The following PSMD1 variants were observed in gnomAD, a reference collection of about 807,000 sequenced individuals.
The protein encoded by PSMD1 is 26S proteasome non-ATPase regulatory subunit 1.
A neutral mutation model predicts 119.0 loss-of-function variants in PSMD1; 18 were observed. That is an observed-to-expected ratio of 0.15 (90% CI 0.10 to 0.22). The LOEUF is 0.22. PSMD1 is among the 10% of genes least tolerant of loss of function. PSMD1 has a pLI of 1.00. For missense variants in PSMD1, 702 were observed against 1,158.5 expected (o/e 0.61, Z 5.72); for synonymous variants, 374 against 396.6 (o/e 0.94, Z 0.68).
intron 18 of PSMD1, among the ~76,000 whole-genome samples, chr2:231,149,464 A>G (rs1320358170): frequency 6.6e-6 from 1 of 152,160 alleles, no homozygotes; most frequent in Non-Finnish European, 1.5e-5. Flanking sequence ...CCAAGACCCT[A>G]TCTCTAAAAA....
intron 9 of PSMD1, 75 bp downstream of exon 9, chr2:231,077,237 T>G: frequency 9.5e-7 from 1 of 1,056,090 alleles, no homozygotes; most frequent in Non-Finnish European, 1.3e-6. Context: ...TTATATTTAT[T>G]TCTTGTTGGA....
chr2:231,108,648 G>A (rs575018939), intron 16 of PSMD1: 2 of 1,613,984 alleles, frequency 1.2e-6, no homozygotes, highest in African/African-American at 2.7e-5. Context: ...TACATGGCAG[G>A]GTTAATCCCA....
At chr2:231,058,343 C>T (rs905825444) in intron 1 of PSMD1, among the ~76,000 whole-genome samples, 3 of 152,172 alleles carry the variant, frequency 2.0e-5, no homozygotes, top group African/African-American at 7.2e-5. Context: ...CCATTACCTC[C>T]GTACAGCCCG....
intron 6 of PSMD1, among the ~76,000 whole-genome samples, chr2:231,071,011 C>A (rs1252959887): frequency 6.6e-6 from 1 of 152,038 alleles, no homozygotes; most frequent in African/African-American, 2.4e-5. Context: ...GAAAAAATAT[C>A]CATGTTTAAA....
At chr2:231,088,577 A>G (rs1361159487) in intron 16 of PSMD1, among the ~76,000 whole-genome samples, 1 of 152,190 alleles carries the variant, frequency 6.6e-6, no homozygotes, top group Non-Finnish European at 1.5e-5. Flanking sequence ...TGATGTTACC[A>G]TCGTAGTTGT....
chr2:231,138,700 C>T, intron 16 of PSMD1, 36 bp from the exon 17 acceptor site: 1 of 1,465,526 alleles, frequency 6.8e-7, no homozygotes, highest in Non-Finnish European at 9.6e-7. Flanking sequence ...AAATAGATTA[C>T]CTATAACAGT....
intron 23 of PSMD1, among the ~76,000 whole-genome samples, chr2:231,168,739 A>C (rs2125273652): frequency 6.6e-6 from 1 of 152,360 alleles, no homozygotes; most frequent in South Asian, 2.1e-4. Context: ...TAATAGCTGC[A>C]CAAGTTTGTG....
chr2:231,151,742 A>G (rs1359566522), intron 18 of PSMD1, among the ~76,000 whole-genome samples: 2 of 152,142 alleles, frequency 1.3e-5, no homozygotes, highest in Non-Finnish European at 2.9e-5. Flanking sequence ...TTCATCTAAA[A>G]TAAGTTCAGA....
intron 16 of PSMD1, among the ~76,000 whole-genome samples, chr2:231,120,847 A>G (rs1328936425): frequency 6.6e-6 from 1 of 152,246 alleles, no homozygotes; most frequent in East Asian, 1.9e-4. Flanking sequence ...CTAAAGATTA[A>G]CACTACAATA....
intron 16 of PSMD1, among the ~76,000 whole-genome samples, chr2:231,101,405 C>G (rs1417629496): frequency 6.6e-6 from 1 of 152,146 alleles, no homozygotes; most frequent in East Asian, 1.9e-4. Flanking sequence ...TTCCCACCAC[C>G]CTGACCGGTC....
In PSMD1 at chr2:231,071,104, C is replaced by T. The variant is rs180941146; in HGVS notation, c.654+936C>T. ...TAGTATTTAATAGTGTATTTCCTTT[C>T]AGTTTTCTCTACATAGGTTTTCGGA... is the stretch of plus-strand genomic sequence containing the variant. On this transcript the variant is annotated intron_variant, in intron 6 of 24. Coordinates refer to ENST00000308696, the MANE Select transcript of PSMD1 (RefSeq NM_002807.4). 9.9e-5 allele frequency among the ~76,000 whole-genome samples: 15 copies of T among 152,126 alleles called. No homozygotes were observed. In the East Asian group the frequency reaches 2.9e-3, roughly 29 times the overall value.
intron 17 of PSMD1, among the ~76,000 whole-genome samples, chr2:231,139,261 C>T (rs1020076491): frequency 1.3e-5 from 2 of 151,688 alleles, no homozygotes; most frequent in Non-Finnish European, 2.9e-5. Flanking sequence ...GCCTTGGCCT[C>T]CCACAGTGCT....
chr2:231,081,686 C>A (rs1458940723), intron 12 of PSMD1, among the ~76,000 whole-genome samples: 1 of 152,160 alleles, frequency 6.6e-6, no homozygotes, highest in African/African-American at 2.4e-5. Flanking sequence ...AGGAGTATTA[C>A]CAAAGGAATG....
chr2:231,063,041 C>T (rs1315552553), intron 4 of PSMD1, among the ~76,000 whole-genome samples: 4 of 152,096 alleles, frequency 2.6e-5, no homozygotes, highest in Non-Finnish European at 5.9e-5. Context: ...TGGTTTATTC[C>T]ACAGCTACCC....
At chr2:231,159,480 A>C (rs1181259368) in intron 19 of PSMD1, among the ~76,000 whole-genome samples, 1 of 152,170 alleles carries the variant, frequency 6.6e-6, no homozygotes, top group Non-Finnish European at 1.5e-5. Flanking sequence ...TGACCTAGTA[A>C]TCCTGGACCT....
chr2:231,080,355 A>C, intron 12 of PSMD1, 41 bp downstream of exon 12: 4 of 1,445,896 alleles, frequency 2.8e-6, no homozygotes, highest in Non-Finnish European at 3.8e-6. Flanking sequence ...AAAACTCAAG[A>C]ATCCAGGATA....
At chr2:231,109,769 A>G (rs1028431122) in intron 16 of PSMD1, among the ~76,000 whole-genome samples, 6 of 152,322 alleles carry the variant, frequency 3.9e-5, no homozygotes, top group Admixed American at 3.3e-4. Flanking sequence ...TCAGAAGAGA[A>G]CCTGCTTTTT....
At chr2:231,136,969 A>T (rs1297272195) in intron 16 of PSMD1, among the ~76,000 whole-genome samples, 2 of 142,704 alleles carry the variant, frequency 1.4e-5, no homozygotes, top group Non-Finnish European at 3.0e-5. Flanking sequence ...GTATATATAT[A>T]TTATATATAT....
In PSMD1 at chr2:231,056,992, C is replaced by T. The variant is rs1323755497; in HGVS notation, c.-34C>T. 2 of 1,539,676 alleles carry T rather than the reference C, an allele frequency of 1.3e-6. No individual in the cohort carries two copies. Among genetic ancestry groups the T allele is most frequent in the Non-Finnish European group, 1.7e-6 (2 of 1,144,366 alleles). ...CAGATACACTGCGCAGCTGGAACGG[C>T]GAGCGAGCCGACGGGCGAGTGAGGG... On this transcript the variant is annotated 5_prime_UTR_variant, in exon 1 of 25. Coordinates refer to ENST00000308696, the MANE Select transcript of PSMD1 (RefSeq NM_002807.4).
Sources: gnomAD v4.1 joint callset for allele counts (sites outside exome capture counted in the v4.1 genomes callset) on GRCh38, gnomAD v4.1.1 for gene constraint, MANE v1.5 for transcripts, NCBI Gene and HGNC (gene_info 2026-07-23, HGNC 2026-07-21) for gene names.